VASP: variants seen among roughly 807,000 people sequenced by gnomAD.
VASP encodes the protein vasodilator stimulated phosphoprotein, also known as vasodilator-stimulated phosphoprotein.
VASP carries 27 observed loss-of-function variants against 54.4 expected under a neutral mutation model. That is an observed-to-expected ratio of 0.50 (90% confidence interval 0.37 to 0.68). VASP has a LOEUF of 0.68. VASP is among the 30% of genes least tolerant of loss of function. The probability of loss-of-function intolerance (pLI) is 0.00; values close to 1 mark genes in which losing one functional copy is unlikely to be tolerated. For missense variants in VASP, 488 were observed against 528.3 expected, an observed-to-expected ratio of 0.92 and a Z score of 0.75; for synonymous variants, 233 against 209.8, an observed-to-expected ratio of 1.11 and a Z score of -0.96.
intron 3 of VASP, among the ~76,000 whole-genome samples, chr19:45,519,561 A>T (rs1968780347): frequency 6.9e-6 from 1 of 145,070 alleles, no homozygotes; most frequent in Non-Finnish European, 1.5e-5. Flanking sequence ...AAGTGCTGGG[A>T]TTACAGGCAT....
At position 45,526,431 on chromosome 19, in the gene VASP, T is replaced by G. The variant is rs1215152303; in HGVS notation, c.*254T>G. Reference sequence around the variant, plus strand: ...CCCTCTGCCATCCCCTTGGGGCCGGTCCCTCTGCTGGGGATGCACCAATGA... The same window carrying G: ...CCCTCTGCCATCCCCTTGGGGCCGGGCCCTCTGCTGGGGATGCACCAATGA... On this transcript the variant is annotated 3_prime_UTR_variant, in exon 13 of 13. Transcript: ENST00000245932. 3 of 448,470 alleles carry G rather than the reference T, an allele frequency of 6.7e-6. No individual in the cohort carries two copies. The highest frequency in any genetic ancestry group is 2.0e-5 in the African/African-American group (1 of 48,938). 27.8% of individuals were successfully genotyped at this position (448,470 alleles called of 1,614,324 possible). A position where few individuals can be genotyped will look rare whatever the true frequency, so the allele number is the denominator to read the frequency against.
intron 7 of VASP, 22 bp from the exon 8 acceptor site, chr19:45,523,621 GT>G: frequency 6.2e-7 from 1 of 1,613,774 alleles, no homozygotes; most frequent in Non-Finnish European, 8.5e-7. Flanking sequence ...GGAAGCACGT[GT>G]TTTTGCTTTT....
intron 11 of VASP, 47 bp downstream of exon 11, chr19:45,524,707 C>A: frequency 6.4e-7 from 1 of 1,569,142 alleles, no homozygotes; most frequent in Non-Finnish European, 8.7e-7. Context: ...AGATCTAGGT[C>A]TGGCCCCTGC....
intron 1 of VASP, among the ~76,000 whole-genome samples, chr19:45,516,269 C>G (rs1387653907): frequency 2.0e-5 from 3 of 152,226 alleles, no homozygotes; most frequent in Non-Finnish European, 4.4e-5. Flanking sequence ...ATCCCCAGCC[C>G]CACCCAATAT....
In VASP at chr19:45,523,858, C is replaced by T. The variant is rs762338697; in HGVS notation, c.891C>T (p.Ala297=). ...DESANQEEPE[A]RVPAQSESVR... ...CCTACCAGCAGGAGGAGCCAGAGGC[C>T]AGAGTCCCGGCCCAGAGTGGTGAGT... is the stretch of plus-strand genomic sequence containing the variant. The change falls in exon 9 of 13, where the codon GCC becomes GCT. Residue 297 remains alanine, a synonymous_variant. Transcript: ENST00000245932. 2 of 1,613,928 alleles carry T rather than the reference C, an allele frequency of 1.2e-6. No individual in the cohort carries two copies. The highest frequency in any genetic ancestry group is 1.7e-6 in the Non-Finnish European group (2 of 1,179,986).
intron 1 of VASP, 142 bp from the exon 2 acceptor site, chr19:45,517,521 C>G (rs762163935): frequency 2.9e-5 from 28 of 974,892 alleles, no homozygotes; most frequent in African/African-American, 4.9e-5. Context: ...CTGTCTCCCC[C>G]GTCTCCTTCT....
Position 45,521,347 on chromosome 19 carries a change from A to C in VASP, c.369A>C (p.Ala123=), listed in dbSNP as rs1968828312. ...GAGGTGGGCCCCCTCCACCCCCAGC[A>C]CTTCCCACCTGGTCGGTCCCGAACG... ...LEGGGPPPPP[A]LPTWSVPNGP... The change falls in exon 4 of 13, where the codon GCA becomes GCC. Residue 123 remains alanine (A), a synonymous_variant. Coordinates refer to ENST00000245932, the MANE Select transcript of VASP (RefSeq NM_003370.4). 5 of 1,582,066 alleles carry C rather than the reference A, an allele frequency of 3.2e-6. No individual in the cohort carries two copies. The highest frequency in any genetic ancestry group is 1.3e-5 in the African/African-American group (1 of 74,400).
chr19:45,508,300 C>T (rs1175372306), intron 1 of VASP, among the ~76,000 whole-genome samples: 1 of 152,210 alleles, frequency 6.6e-6, no homozygotes, highest in African/African-American at 2.4e-5. Flanking sequence ...TTCGGGGGTA[C>T]TTCTTAATCC....
rs560509335 is a variant in VASP at position 45,520,762 on chromosome 19, G to A, written c.344-560G>A. Among the ~76,000 whole-genome samples, 20 of 152,266 alleles carry A rather than the reference G, an allele frequency of 1.3e-4. No homozygotes were observed. The East Asian group carries it at 3.5e-3, about 26-fold the overall frequency. ...GTGGATCACTTGAGGTCAGGAGTTCGAGACCAGCCTAGCCAACATGGTGAA... is the reference window on the plus strand; with the variant it reads ...GTGGATCACTTGAGGTCAGGAGTTCAAGACCAGCCTAGCCAACATGGTGAA... On this transcript the variant is annotated intron_variant, in intron 3 of 12. Coordinates refer to ENST00000245932, the MANE Select transcript of VASP (RefSeq NM_003370.4).
intron 1 of VASP, among the ~76,000 whole-genome samples, chr19:45,515,613 TG>T (rs1314248158): frequency 6.6e-6 from 1 of 152,098 alleles, no homozygotes; most frequent in Non-Finnish European, 1.5e-5. Flanking sequence ...CTCAGCTCAC[TG>T]CGGCCTCCAC....
chr19:45,516,781 T>G (rs1968709689), intron 1 of VASP, among the ~76,000 whole-genome samples: 1 of 151,942 alleles, frequency 6.6e-6, no homozygotes, highest in Non-Finnish European at 1.5e-5. Flanking sequence ...AATGGATCAC[T>G]TGAGCCCAGG....
rs1172813093 is a variant in VASP at position 45,523,841 on chromosome 19, C to G, written c.874C>G (p.Gln292Glu). 6.2e-7 allele frequency: 1 copy of G among 1,613,966 alleles called. No individual in the cohort carries two copies. The highest frequency in any genetic ancestry group is 8.5e-7 in the Non-Finnish European group (1 of 1,179,996). Residue 292 changes from glutamine to glutamate, a missense_variant and splice_region_variant, in exon 9 of 13, where the codon CAG becomes GAG. By Grantham distance (29) the Gln-to-Glu change is conservative. Coordinates refer to ENST00000245932, the MANE Select transcript of VASP (RefSeq NM_003370.4). ...TCATGGCAGTTTTATTTCCTACCAGCAGGAGGAGCCAGAGGCCAGAGTCCC... is the reference window on the plus strand; with the variant it reads ...TCATGGCAGTTTTATTTCCTACCAGGAGGAGGAGCCAGAGGCCAGAGTCCC... ...EKTPKDESAN[Q>E]EEPEARVPAQ...
chr19:45,525,317 A>G (rs1968936956), intron 11 of VASP, among the ~76,000 whole-genome samples: 2 of 152,138 alleles, frequency 1.3e-5, no homozygotes, highest in Admixed American at 6.6e-5. Flanking sequence ...TAATCCCAGC[A>G]CTTTGGGAGG....
rs764672008 is a variant in VASP at position 45,522,139 on chromosome 19, G to GAC, written c.429-28_429-27dup. ...GCTGGCCATCCTTAGGGCCCTGATTGACGGCAGCTCTCTCGCCTCCCCCCA... is the reference window on the plus strand; with the variant it reads ...GCTGGCCATCCTTAGGGCCCTGATTGACACGGCAGCTCTCTCGCCTCCCCCCA... On this transcript the variant is annotated intron_variant, in intron 4 of 12. Transcript: ENST00000245932. 5.1e-5 allele frequency: 82 copies of GAC among 1,612,910 alleles called. No individual in the cohort carries two copies. The African/African-American group carries it at 1.0e-3, about 20-fold the overall frequency.
In VASP at chr19:45,524,089, A is replaced by T; in HGVS notation, c.911-8A>T. On this transcript the variant is annotated splice_region_variant and splice_polypyrimidine_tract_variant and intron_variant, in intron 9 of 12. Transcript: ENST00000245932. The stretch of plus-strand genomic sequence containing the variant: ...CCCTGATCTTTCTGATTTCTTGCCT[A>T]TCCCCAGAATCTGTGCGGAGACCCT... 1 of 1,613,998 alleles carries T rather than the reference A, an allele frequency of 6.2e-7. No individual in the cohort carries two copies. Among genetic ancestry groups the T allele is most frequent in the Non-Finnish European group, 8.5e-7 (1 of 1,179,986 alleles).
At chr19:45,508,975 G>A (rs1401003195) in intron 1 of VASP, among the ~76,000 whole-genome samples, 1 of 152,110 alleles carries the variant, frequency 6.6e-6, no homozygotes, top group African/African-American at 2.4e-5. Context: ...GCCAGAGCCT[G>A]ACAATACTAT....
chr19:45,516,982 T>TGAAA (rs1692776504), intron 1 of VASP, among the ~76,000 whole-genome samples: 1 of 11,620 alleles, frequency 8.6e-5, no homozygotes, highest in African/African-American at 4.7e-4. Context: ...AGACTCTGTC[T>TGAAA]CAAAAAAAAA....
rs1422116300 is a variant in VASP, at chr19:45,507,791, C to T, written c.5+15C>T. On this transcript the variant is annotated intron_variant, in intron 1 of 12. Transcript: ENST00000245932. The surrounding 1 kb of genome is among the most constrained non-coding windows in gnomAD (Gnocchi z 4.4). ...GCAGCCATGAGGTGAGCCGGACCTGCCCCCCGACCCGTCCCCGCCCGGGCG... is the reference window on the plus strand; with the variant it reads ...GCAGCCATGAGGTGAGCCGGACCTGTCCCCCGACCCGTCCCCGCCCGGGCG... 4.2e-6 allele frequency: 6 copies of T among 1,423,936 alleles called. No homozygotes were observed. The highest frequency in any genetic ancestry group is 1.5e-5 in the African/African-American group (1 of 66,376). 88.2% of individuals were successfully genotyped at this position (1,423,936 alleles called of 1,614,324 possible).
In VASP at chr19:45,526,006, G is replaced by A; in HGVS notation, c.1105+3G>A. On this transcript the variant is annotated splice_donor_region_variant and intron_variant, in intron 12 of 12. Transcript: ENST00000245932. The stretch of plus-strand genomic sequence containing the variant: ...AGTGAAAGAGGAAATCATTGAAGGT[G>A]AGGTGGTTTGCTTTGGTTTTGTTCT... The A allele has an allele frequency of 6.2e-7, 1 of 1,613,916 alleles. No individual in the cohort carries two copies.
Sources: gnomAD v4.1 joint callset for allele counts (sites outside exome capture counted in the v4.1 genomes callset) on GRCh38, gnomAD v4.1.1 for gene constraint, Gnocchi (gnomAD v3.1) non-coding constraint, MANE v1.5 for transcripts, NCBI Gene and HGNC (gene_info 2026-07-23, HGNC 2026-07-21) for gene names.